CTDSPL2: variants seen among roughly 807,000 people sequenced by gnomAD.
CTDSPL2 encodes the protein CTD small phosphatase like 2, also known as CTD small phosphatase-like protein 2.
CTDSPL2 carries 5 observed loss-of-function variants against 60.0 expected under a neutral mutation model. The observed-to-expected ratio is 0.08, with a 90% CI of 0.04 to 0.18. The LOEUF (loss-of-function observed/expected upper bound fraction) is 0.18, where lower values mean the gene tolerates loss of function less well. Among genes scored for constraint, CTDSPL2 ranks in the 10% least tolerant of loss-of-function variants. CTDSPL2 has a pLI of 1.00. For synonymous variants in CTDSPL2, 186 were observed against 189.3 expected (o/e 0.98, Z 0.14); for missense variants, 370 against 548.8 (o/e 0.67, Z 3.26).
chr15:44,499,102 G>A (rs879533320), intron 7 of CTDSPL2, among the ~76,000 whole-genome samples: 1 of 151,498 alleles, frequency 6.6e-6, no homozygotes, highest in South Asian at 2.1e-4. Context: ...GTCAGAATCC[G>A]AAGGGCTTCT....
At chr15:44,439,757 A>G (rs914948095) in intron 1 of CTDSPL2, among the ~76,000 whole-genome samples, 2 of 152,146 alleles carry the variant, frequency 1.3e-5, no homozygotes, top group Non-Finnish European at 2.9e-5. Flanking sequence ...GAGGCTGTAT[A>G]TGTCTGTTTA....
chr15:44,526,072 T>G lies in CTDSPL2; in HGVS notation c.*1898T>G, dbSNP rs2081867471. On this transcript the variant is annotated 3_prime_UTR_variant, in exon 13 of 13. Transcript: ENST00000260327. ...CTTGCAGGAAAAAAATACTACAGAT[T>G]CATTTTAATGAGAATCTTTGAAATG... is the stretch of plus-strand genomic sequence containing the variant. 1 of 152,274 alleles carries G rather than the reference T, an allele frequency of 6.6e-6. No individual in the cohort carries two copies. Among genetic ancestry groups the G allele is most frequent in the African/African-American group, 2.4e-5 (1 of 41,456 alleles). 9.4% of individuals were successfully genotyped at this position (152,274 alleles called of 1,614,324 possible). A position where few individuals can be genotyped will look rare whatever the true frequency, so the allele number is the denominator to read the frequency against.
rs1393489620 is a variant in CTDSPL2, at chr15:44,525,986, CA to C, written c.*1816del. The C allele has an allele frequency of 6.7e-6, 1 of 149,004 alleles. No individual in the cohort carries two copies. Among genetic ancestry groups the C allele is most frequent in the Non-Finnish European group, 1.5e-5 (1 of 66,976 alleles). 9.2% of individuals were successfully genotyped at this position (149,004 alleles called of 1,614,324 possible). The stretch of plus-strand genomic sequence containing the variant: ...TGGCAGATTTTCTGCAAAAAAAAAA[CA>C]AAAGCATTTGCAATTCAGAATACTG... On this transcript the variant is annotated 3_prime_UTR_variant, in exon 13 of 13. Transcript: ENST00000260327.
chr15:44,492,802 ATAT>A (rs1351013850), intron 5 of CTDSPL2, among the ~76,000 whole-genome samples: 1 of 152,200 alleles, frequency 6.6e-6, no homozygotes, highest in Non-Finnish European at 1.5e-5. Context: ...TTTGTGGGTA[ATAT>A]TTGCAATTTA....
chr15:44,513,231 C>G (rs28406101), intron 8 of CTDSPL2, among the ~76,000 whole-genome samples: 4 of 152,084 alleles, frequency 2.6e-5, no homozygotes, highest in Non-Finnish European at 4.4e-5. Flanking sequence ...TTTGGGAGGC[C>G]AAGACGGGCG....
chr15:44,520,154 CTT>C (rs56005250), intron 11 of CTDSPL2: 7 of 140,978 alleles, frequency 5.0e-5, no homozygotes, highest in Non-Finnish European at 4.6e-5. Flanking sequence ...TTTTGTTTTC[CTT>C]TTTTTTTTTT....
chr15:44,497,364 G>A (rs1216040138), intron 7 of CTDSPL2, among the ~76,000 whole-genome samples: 1 of 151,922 alleles, frequency 6.6e-6, no homozygotes, highest in Non-Finnish European at 1.5e-5. Context: ...AGTCTCAAAA[G>A]CACAATTTCT....
At chr15:44,522,583 T>G (rs2081799908) in intron 12 of CTDSPL2, among the ~76,000 whole-genome samples, 1 of 151,930 alleles carries the variant, frequency 6.6e-6, no homozygotes. Context: ...TGAAACCCCA[T>G]CTCTACTAAA....
chr15:44,511,842 T>A (rs1595775308), intron 8 of CTDSPL2, among the ~76,000 whole-genome samples: 1 of 117,980 alleles, frequency 8.5e-6, no homozygotes, highest in African/African-American at 3.4e-5. Flanking sequence ...CACTCCAGCC[T>A]GGGCAGCAGA....
rs2081840576 is a variant in CTDSPL2 at position 44,524,424 on chromosome 15, G to C, written c.*250G>C. 1 of 435,918 alleles carries C rather than the reference G, an allele frequency of 2.3e-6. No homozygotes were observed. The highest frequency in any genetic ancestry group is 3.8e-5 in the East Asian group (1 of 26,104). 27.0% of individuals were successfully genotyped at this position (435,918 alleles called of 1,614,324 possible). The stretch of plus-strand genomic sequence containing the variant: ...GTGCAACTCCAGTGAAATTTTTTAT[G>C]TACAGGACATCTGCAGTTTATAAAG... On this transcript the variant is annotated 3_prime_UTR_variant, in exon 13 of 13. Coordinates refer to ENST00000260327, the MANE Select transcript of CTDSPL2 (RefSeq NM_016396.3).
intron 10 of CTDSPL2, 139 bp downstream of exon 10, chr15:44,514,983 A>G (rs2081624012): frequency 5.4e-6 from 3 of 552,670 alleles, no homozygotes; most frequent in African/African-American, 1.9e-5. Context: ...TTAAGCCCCT[A>G]AACTCTTTAA....
chr15:44,521,214 A>C, intron 11 of CTDSPL2, 97 bp from the exon 12 acceptor site: 1 of 570,944 alleles, frequency 1.8e-6, no homozygotes, highest in Admixed American at 3.3e-5. Flanking sequence ...CTTTTAGATC[A>C]GTGTTTACTT....
In CTDSPL2 at chr15:44,525,753, T is replaced by G; in HGVS notation, c.*1579T>G. On this transcript the variant is annotated 3_prime_UTR_variant, in exon 13 of 13. Coordinates refer to ENST00000260327, the MANE Select transcript of CTDSPL2 (RefSeq NM_016396.3). ...GAAATCTTTTTAGGAAAACATTTAA[T>G]TTTTGTATTTTTGATTTTAAAGGCA... is the stretch of plus-strand genomic sequence containing the variant. 3.3e-6 allele frequency: 1 copy of G among 307,538 alleles called. No individual in the cohort carries two copies. The highest frequency in any genetic ancestry group is 5.9e-6 in the Non-Finnish European group (1 of 169,390). The allele number at this position is 307,538 out of a possible 1,614,324, so 19.1% of individuals were successfully genotyped here.
chr15:44,471,650 T>C (rs948930735), intron 2 of CTDSPL2, among the ~76,000 whole-genome samples: 2 of 152,158 alleles, frequency 1.3e-5, no homozygotes, highest in African/African-American at 4.8e-5. Context: ...GTAGTATCGT[T>C]CATTCATTCA....
At chr15:44,481,127 G>A (rs1595743041) in intron 2 of CTDSPL2, among the ~76,000 whole-genome samples, 1 of 152,136 alleles carries the variant, frequency 6.6e-6, no homozygotes, top group South Asian at 2.1e-4. Context: ...CTTGGGGCTG[G>A]GAGTTCAAGA....
chr15:44,449,651 T>G (rs1286346343), intron 1 of CTDSPL2, among the ~76,000 whole-genome samples: 1 of 152,058 alleles, frequency 6.6e-6, no homozygotes, highest in African/African-American at 2.4e-5. Context: ...ATAAGGAAGT[T>G]TTTTGATTAG....
chr15:44,483,410 C>T lies in CTDSPL2; in HGVS notation c.187-814C>T, dbSNP rs1324002113. Among the ~76,000 whole-genome samples, 8 of 136,972 alleles carry T rather than the reference C, an allele frequency of 5.8e-5. 1 individual carries two copies. The highest frequency in any genetic ancestry group is 1.6e-5 in the Non-Finnish European group (1 of 62,976). 89.9% of individuals were successfully genotyped at this position (136,972 alleles called of 152,430 possible). ...AAAATTAGCTGGGCATGGTGGTGGG[C>T]GCCTGTAATCCCAGCTACTCGGGAG... On this transcript the variant is annotated intron_variant, in intron 2 of 12. Coordinates refer to ENST00000260327, the MANE Select transcript of CTDSPL2 (RefSeq NM_016396.3).
intron 8 of CTDSPL2, among the ~76,000 whole-genome samples, chr15:44,506,196 A>G (rs1197478887): frequency 1.3e-5 from 2 of 151,294 alleles, no homozygotes; most frequent in African/African-American, 4.9e-5. Context: ...AGGCCGGCTA[A>G]TTTTTGTATT....
At chr15:44,490,698 A>G in intron 4 of CTDSPL2, 86 bp from the exon 5 acceptor site, 1 of 968,456 alleles carries the variant, frequency 1.0e-6, no homozygotes, top group East Asian at 2.4e-5. Flanking sequence ...CAGTCTAAAT[A>G]AATATATTGT....
Sources: gnomAD v4.1 joint callset for allele counts (sites outside exome capture counted in the v4.1 genomes callset) on GRCh38, gnomAD v4.1.1 for gene constraint, MANE v1.5 for transcripts, NCBI Gene and HGNC (gene_info 2026-07-23, HGNC 2026-07-21) for gene names.